WASF3: variants seen among roughly 807,000 people sequenced by gnomAD.
WASF3 encodes the protein actin-binding protein WASF3.
WASF3 carries 11 observed loss-of-function variants against 46.6 expected under a neutral mutation model. The observed-to-expected ratio is 0.24, with a 90% CI of 0.15 to 0.39. WASF3 has a LOEUF of 0.39. WASF3 is among the 10% of genes least tolerant of loss of function. The pLI is 1.00. For synonymous variants in WASF3, 242 were observed against 259.7 expected, an observed-to-expected ratio of 0.93 and a Z score of 0.65; for missense variants, 576 against 669.8, an observed-to-expected ratio of 0.86 and a Z score of 1.55.
At chr13:26,594,504 G>A (rs909602865) in intron 1 of WASF3, among the ~76,000 whole-genome samples, 2 of 152,092 alleles carry the variant, frequency 1.3e-5, no homozygotes, top group African/African-American at 2.4e-5. Context: ...TGACTCTTGC[G>A]CTCCTGGCTG....
rs1883463170 is a variant in WASF3 at position 26,687,927 on chromosome 13, A to G, written c.*2082A>G. 6.6e-6 allele frequency: 1 copy of G among 152,136 alleles called. No homozygotes were observed. Among genetic ancestry groups the G allele is most frequent in the African/African-American group, 2.4e-5 (1 of 41,428 alleles). The allele number at this position is 152,136 out of a possible 1,614,324, so 9.4% of individuals were successfully genotyped here. ...TCAGGATGGAGAGAACACAGAAGCT[A>G]CTATCCATGTCAGGATTTATTCTAT... On this transcript the variant is annotated 3_prime_UTR_variant, in exon 10 of 10. Transcript: ENST00000335327.
rs1215019033 is a variant in WASF3, at chr13:26,628,078, A to G, written c.-10-14183A>G. On this transcript the variant is annotated intron_variant, in intron 2 of 9. Transcript: ENST00000335327. Reference sequence around the variant, plus strand: ...TGGAAATGTGTTTCAGGCCAACCTGATGGAATGAGCTAGAACTGAGACCTC... The same window carrying G: ...TGGAAATGTGTTTCAGGCCAACCTGGTGGAATGAGCTAGAACTGAGACCTC... Among the ~76,000 whole-genome samples, 4 of 152,204 alleles carry G rather than the reference A, an allele frequency of 2.6e-5. No homozygotes were observed. In the East Asian group the frequency reaches 7.7e-4, roughly 29 times the overall value.
intron 9 of WASF3, among the ~76,000 whole-genome samples, chr13:26,684,693 T>A (rs959736626): frequency 2.6e-5 from 4 of 152,180 alleles, no homozygotes; most frequent in African/African-American, 9.7e-5. Context: ...TTATATGCCA[T>A]TCACTCTCAA....
At chr13:26,606,458 C>T (rs1846710) in intron 1 of WASF3, 116,407 of 150,680 alleles carry the variant, frequency 0.77, 45,507 homozygotes, top group East Asian at 0.9. Context: ...CAAGCTGAAG[C>T]GATCCTCCCA....
intron 1 of WASF3, among the ~76,000 whole-genome samples, chr13:26,578,172 T>G (rs1041135892): frequency 2.0e-5 from 3 of 152,194 alleles, no homozygotes; most frequent in African/African-American, 4.8e-5. Context: ...TTTAGAATAT[T>G]GCGTAGAAAT....
At chr13:26,632,434 T>G (rs577238371) in intron 2 of WASF3, among the ~76,000 whole-genome samples, 1 of 152,338 alleles carries the variant, frequency 6.6e-6, no homozygotes, top group South Asian at 2.1e-4. Flanking sequence ...GGTAATCATG[T>G]GGTTTTTGTC....
chr13:26,563,654 C>CAAAAA lies in WASF3; in HGVS notation c.-109+5855_-109+5859dup, dbSNP rs34374716. 2.4e-3 allele frequency among the ~76,000 whole-genome samples: 113 copies of CAAAAA among 46,600 alleles called. 2 individuals carry two copies. The highest frequency in any genetic ancestry group is 4.4e-3 in the East Asian group (6 of 1,358). 30.6% of individuals were successfully genotyped at this position (46,600 alleles called of 152,430 possible). A position where few individuals can be genotyped will look rare whatever the true frequency, so the allele number is the denominator to read the frequency against. ...TGGGCAACAGAGTGAGACTCCATCTCAAAAAAAAAAAAAAAAAAAAAAAAG... is the reference window on the plus strand; with the variant it reads ...TGGGCAACAGAGTGAGACTCCATCTCAAAAAAAAAAAAAAAAAAAAAAAAAAAAAG... On this transcript the variant is annotated intron_variant, in intron 1 of 9. Coordinates refer to ENST00000335327, the MANE Select transcript of WASF3 (RefSeq NM_006646.6).
chr13:26,636,763 G>T (rs1484128121), intron 2 of WASF3, among the ~76,000 whole-genome samples: 5 of 152,180 alleles, frequency 3.3e-5, no homozygotes, highest in Non-Finnish European at 7.3e-5. Context: ...CTTGCCTTGA[G>T]CCCCACTCAA....
intron 1 of WASF3, among the ~76,000 whole-genome samples, chr13:26,563,750 C>G (rs1036063191): frequency 6.7e-6 from 1 of 149,422 alleles, no homozygotes; most frequent in East Asian, 2.0e-4. Context: ...CTTCTCTGTG[C>G]CTGCACATGT....
intron 1 of WASF3, among the ~76,000 whole-genome samples, chr13:26,573,966 C>T (rs1318577240): frequency 6.6e-6 from 1 of 152,104 alleles, no homozygotes; most frequent in Non-Finnish European, 1.5e-5. Context: ...TTAAATTCAT[C>T]TGTTATTTTT....
At chr13:26,602,368 A>G (rs1040609018) in intron 1 of WASF3, among the ~76,000 whole-genome samples, 2 of 152,064 alleles carry the variant, frequency 1.3e-5, no homozygotes, top group Non-Finnish European at 2.9e-5. Context: ...GAACTTTTAC[A>G]TTTATTTCTA....
chr13:26,653,431 G>A (rs935011018), intron 3 of WASF3, among the ~76,000 whole-genome samples: 3 of 152,056 alleles, frequency 2.0e-5, no homozygotes, highest in Non-Finnish European at 2.9e-5. Flanking sequence ...ATTGTTTGTT[G>A]TCCCCATTGA....
chr13:26,581,123 G>A (rs1879967918), intron 1 of WASF3, among the ~76,000 whole-genome samples: 1 of 151,708 alleles, frequency 6.6e-6, no homozygotes, highest in South Asian at 2.1e-4. Flanking sequence ...GAAGAGATGG[G>A]GTTTTGCCAT....
In WASF3 at chr13:26,685,878, C is replaced by T. The variant is rs376752738; in HGVS notation, c.*33C>T. ...CCGGCGGAGAGGCCGCGTGTGGGAG[C>T]GTGTTGAAGATTTTAAGTGGTCTCT... is the stretch of plus-strand genomic sequence containing the variant. On this transcript the variant is annotated 3_prime_UTR_variant, in exon 10 of 10. Transcript: ENST00000335327. 3.8e-6 allele frequency: 6 copies of T among 1,599,422 alleles called. No individual in the cohort carries two copies. The highest frequency in any genetic ancestry group is 3.3e-5 in the Admixed American group (2 of 59,716).
chr13:26,681,151 G>T lies in WASF3; in HGVS notation c.814G>T (p.Val272Leu). Residue 272 changes from valine to leucine, a missense_variant, in exon 8 of 10, where the codon GTG (valine) becomes TTG (leucine). Coordinates refer to ENST00000335327, the MANE Select transcript of WASF3 (RefSeq NM_006646.6). ...GACCCCTTCCTATGCAGCTGGTGAC[G>T]TGCCACCACACGGGCCTGCAAGCCA... is the stretch of plus-strand genomic sequence containing the variant. ...PVTPSYAAGD[V>L]PPHGPASQAA... The T allele has an allele frequency of 6.2e-7, 1 of 1,614,084 alleles. No homozygotes were observed. The highest frequency in any genetic ancestry group is 8.5e-7 in the Non-Finnish European group (1 of 1,180,024).
chr13:26,682,835 G>A lies in WASF3; in HGVS notation c.1212G>A (p.Pro404=), dbSNP rs143748235. ...CACCCCCGGGCCCACCACCTCCCCC[G>A]CCAGGCCCTCCTGGTCCCGGGTCTT... ...APPPPGPPPP[P]PGPPGPGSSL... is the part of the protein sequence containing the mutation. The change falls in exon 9 of 10, where the codon CCG becomes CCA. Residue 404 remains proline, a synonymous_variant. Transcript: ENST00000335327. This position sits in a 1 kb window ranked among gnomAD's most constrained non-coding sequence, Gnocchi z 4.4. 2.2e-5 allele frequency: 35 copies of A among 1,558,178 alleles called. No individual in the cohort carries two copies. The African/African-American group carries it at 2.8e-4, about 12-fold the overall frequency.
chr13:26,606,819 TC>T (rs1357251791), intron 1 of WASF3: 2 of 152,206 alleles, frequency 1.3e-5, no homozygotes, highest in Non-Finnish European at 2.9e-5. Context: ...CGTAGCACTT[TC>T]CATGCTCAGT....
At chr13:26,641,989 T>C (rs1593165508) in intron 2 of WASF3, 1 of 187,086 alleles carries the variant, frequency 5.3e-6, no homozygotes, top group South Asian at 1.5e-4. Flanking sequence ...TTTTTGCCTT[T>C]CCTCTCTCTC....
chr13:26,680,597 G>A (rs965371169), intron 7 of WASF3, among the ~76,000 whole-genome samples: 1 of 152,110 alleles, frequency 6.6e-6, no homozygotes, highest in Non-Finnish European at 1.5e-5. Flanking sequence ...CTGCATTCTC[G>A]ATTTCTTTTC....
Sources: gnomAD v4.1 joint callset for allele counts (sites outside exome capture counted in the v4.1 genomes callset) on GRCh38, gnomAD v4.1.1 for gene constraint, Gnocchi (gnomAD v3.1) non-coding constraint, MANE v1.5 for transcripts, NCBI Gene and HGNC (gene_info 2026-07-23, HGNC 2026-07-21) for gene names.